TGM3: variants seen among roughly 807,000 people sequenced by gnomAD.
TGM3 encodes the protein protein-glutamine gamma-glutamyltransferase E.
TGM3 carries 52 observed loss-of-function variants against 73.8 expected under a neutral mutation model. That is an observed-to-expected ratio of 0.70 (90% confidence interval 0.56 to 0.89). The LOEUF (loss-of-function observed/expected upper bound fraction) is 0.89, where lower values mean the gene tolerates loss of function less well. TGM3 is among the 40% of genes least tolerant of loss of function. The probability of loss-of-function intolerance (pLI) is 0.00; values close to 1 mark genes in which losing one functional copy is unlikely to be tolerated. For synonymous variants in TGM3, 372 were observed against 354.9 expected, an observed-to-expected ratio of 1.05 and a Z score of -0.54; for missense variants, 928 against 909.9, an observed-to-expected ratio of 1.02 and a Z score of -0.26.
chr20:2,335,066 G>A, intron 10 of TGM3, 50 bp from the exon 11 acceptor site: 1 of 1,608,486 alleles, frequency 6.2e-7, no homozygotes, highest in Non-Finnish European at 8.5e-7. Flanking sequence ...GGAAGGTTCA[G>A]AAGCCATCCC....
rs1600699144 is a variant in TGM3, at chr20:2,317,240, A to G, written c.842A>G (p.Asn281Ser). 1.2e-6 allele frequency: 2 copies of G among 1,614,116 alleles called. No homozygotes were observed. Among genetic ancestry groups the G allele is most frequent in the Non-Finnish European group, 1.7e-6 (2 of 1,180,008 alleles). Residue 281 changes from asparagine (N) to serine (S), a missense_variant, in exon 6 of 13, where the codon AAC (asparagine) becomes AGC (serine). By Grantham distance (46) the Asn-to-Ser change is conservative (BLOSUM62 1). Coordinates refer to ENST00000381458, the MANE Select transcript of TGM3 (RefSeq NM_003245.4). ...GQCWVFAGTL[N>S]TALRSLGIPS... The stretch of plus-strand genomic sequence containing the variant: ...TGCTGGGTCTTTGCTGGGACCCTCA[A>G]CACAGGTACCTTGGGTGTGGTGTGC...
At chr20:2,338,814 C>T (rs2084364763) in intron 11 of TGM3, among the ~76,000 whole-genome samples, 2 of 152,202 alleles carry the variant, frequency 1.3e-5, no homozygotes, top group Admixed American at 1.3e-4. Context: ...TGCTTTCTTC[C>T]CCATCCTTGA....
chr20:2,303,453 A>G (rs1425865230), intron 1 of TGM3, among the ~76,000 whole-genome samples: 1 of 152,018 alleles, frequency 6.6e-6, no homozygotes, highest in Non-Finnish European at 1.5e-5. Context: ...AGTGATGAAA[A>G]AGCTCTGCCA....
chr20:2,313,044 G>T lies in TGM3; in HGVS notation c.669+18G>T, dbSNP rs373337535. The T allele has an allele frequency of 1.2e-6, 2 of 1,613,846 alleles. No individual in the cohort carries two copies. Among genetic ancestry groups the T allele is most frequent in the South Asian group, 2.2e-5 (2 of 91,056 alleles). On this transcript the variant is annotated intron_variant, in intron 5 of 12. Transcript: ENST00000381458. ...GTGCCATGGTGAGTAACAGGAAAAC[G>T]ATCACAGCTAGTTGTCATCATATAT...
intron 1 of TGM3, among the ~76,000 whole-genome samples, chr20:2,304,125 A>C (rs138105197): frequency 1.3e-3 from 197 of 152,270 alleles, no homozygotes; most frequent in African/African-American, 4.5e-3. Flanking sequence ...AAAAGCTGTA[A>C]ACCTGAGAAC....
At chr20:2,303,688 C>A (rs1424245910) in intron 1 of TGM3, among the ~76,000 whole-genome samples, 1 of 152,004 alleles carries the variant, frequency 6.6e-6, no homozygotes, top group East Asian at 1.9e-4. Context: ...AGTGCCTGCA[C>A]ATATGGGGGA....
chr20:2,325,872 G>T lies in TGM3; in HGVS notation c.1007G>T (p.Gly336Val). Residue 336 changes from glycine to valine, a missense_variant, in exon 8 of 13, where the codon GGC (glycine) becomes GTC (valine). Transcript: ENST00000381458. The part of the protein sequence containing the change: ...SVWNFHVWNE[G>V]WFVRSDLGPS... ...AGGAATTTCCATGTCTGGAATGAAG[G>T]CTGGTTTGTGAGGTCTGACCTGGGC... 1 of 1,574,398 alleles carries T rather than the reference G, an allele frequency of 6.4e-7. No homozygotes were observed. The highest frequency in any genetic ancestry group is 8.6e-7 in the Non-Finnish European group (1 of 1,158,510).
intron 1 of TGM3, among the ~76,000 whole-genome samples, chr20:2,299,446 C>T (rs550440338): frequency 6.6e-6 from 1 of 152,302 alleles, no homozygotes; most frequent in East Asian, 1.9e-4. Flanking sequence ...GGCTCCACCC[C>T]GCAGGGCTGT....
intron 7 of TGM3, among the ~76,000 whole-genome samples, chr20:2,317,789 T>C (rs2084242565): frequency 6.6e-6 from 1 of 152,014 alleles, no homozygotes; most frequent in Non-Finnish European, 1.5e-5. Context: ...TTGGACCTTA[T>C]ACTACTATAG....
chr20:2,313,986 C>A (rs2122224001), intron 5 of TGM3, among the ~76,000 whole-genome samples: 1 of 147,648 alleles, frequency 6.8e-6, no homozygotes, highest in South Asian at 2.3e-4. Flanking sequence ...GACAACATGG[C>A]AAAACCCTGT....
intron 1 of TGM3, among the ~76,000 whole-genome samples, chr20:2,305,701 T>A (rs1309534029): frequency 6.6e-6 from 1 of 152,136 alleles, no homozygotes; most frequent in East Asian, 1.9e-4. Flanking sequence ...GGCTCACGCT[T>A]GGTGTCAGAA....
intron 11 of TGM3, among the ~76,000 whole-genome samples, chr20:2,336,271 A>C (rs959810109): frequency 3.3e-5 from 5 of 152,138 alleles, no homozygotes; most frequent in Non-Finnish European, 7.4e-5. Flanking sequence ...ATAGGTCTGA[A>C]GGGTAAAAGG....
chr20:2,325,744 G>T, intron 7 of TGM3, 105 bp from the exon 8 acceptor site: 1 of 803,652 alleles, frequency 1.2e-6, no homozygotes, highest in Non-Finnish European at 2.1e-6. Flanking sequence ...AAACTCACTC[G>T]ATGCATGTTG....
At chr20:2,337,945 T>G (rs376548411) in intron 11 of TGM3, among the ~76,000 whole-genome samples, 2 of 152,168 alleles carry the variant, frequency 1.3e-5, no homozygotes, top group South Asian at 4.1e-4. Flanking sequence ...TTTTAAAAAT[T>G]TAATCTTTTT....
At chr20:2,317,526 T>C (rs185040767) in intron 7 of TGM3, 41 bp downstream of exon 7, 1 of 1,610,672 alleles carries the variant, frequency 6.2e-7, no homozygotes. Context: ...AGCACCACAT[T>C]TGAGTGGCTT....
At chr20:2,340,143 T>C (rs2084373403) in intron 12 of TGM3, among the ~76,000 whole-genome samples, 156 bp downstream of exon 12, 1 of 152,172 alleles carries the variant, frequency 6.6e-6, no homozygotes, top group African/African-American at 2.4e-5. Flanking sequence ...TGCATTTGGT[T>C]TGGGGGTTCA....
In TGM3 at chr20:2,334,789, TA is replaced by T. The variant is rs1195025976; in HGVS notation, c.1643-321del. Among the ~76,000 whole-genome samples the T allele has an allele frequency of 2.0e-5, 3 of 152,182 alleles. No homozygotes were observed. Among genetic ancestry groups the T allele is most frequent in the Admixed American group, 6.5e-5 (1 of 15,284 alleles). ...AGAGACCCCATCTCTACAAATAATT[TA>T]AAAAATTTTAAAAAAAAAGGACACT... On this transcript the variant is annotated intron_variant, in intron 10 of 12. Transcript: ENST00000381458. The surrounding 1 kb of genome is among the most constrained non-coding windows in gnomAD (Gnocchi z 4.0).
At chr20:2,315,114 A>T (rs1427488001) in intron 5 of TGM3, among the ~76,000 whole-genome samples, 2 of 152,150 alleles carry the variant, frequency 1.3e-5, no homozygotes, top group African/African-American at 4.8e-5. Context: ...AGCCCTGGTG[A>T]CTTAGAAGGC....
intron 1 of TGM3, among the ~76,000 whole-genome samples, chr20:2,306,590 C>T (rs1234672810): frequency 1.3e-5 from 2 of 150,848 alleles, no homozygotes; most frequent in Non-Finnish European, 2.9e-5. Flanking sequence ...GATTCTCTTG[C>T]CTCAACCTCC....
Sources: allele counts gnomAD v4.1 joint callset (sites outside exome capture counted in the v4.1 genomes callset), GRCh38; gene constraint gnomAD v4.1.1; non-coding constraint Gnocchi (gnomAD v3.1); transcripts MANE v1.5; gene names NCBI Gene and HGNC (gene_info 2026-07-23, HGNC 2026-07-21).